The following CSMD1 variants were observed in gnomAD, a reference collection of about 807,000 sequenced individuals.
CSMD1 encodes the protein CUB and sushi domain-containing protein 1.
Under a neutral mutation model 417.5 loss-of-function variants are expected in CSMD1, and 213 were observed. That is an observed-to-expected ratio of 0.51 (90% CI 0.46 to 0.57). CSMD1 has a LOEUF of 0.57. Among genes scored for constraint, CSMD1 ranks in the 20% least tolerant of loss-of-function variants. CSMD1 has a pLI of 0.00. For missense variants in CSMD1, 6,923 were observed against 4,529.7 expected, an observed-to-expected ratio of 1.53 and a Z score of -15.17; for synonymous variants, 2,862 against 1,736.8, an observed-to-expected ratio of 1.65 and a Z score of -16.11.
intron 5 of CSMD1, among the ~76,000 whole-genome samples, chr8:3,987,656 G>T (rs1319411440): frequency 1.3e-5 from 2 of 152,172 alleles, no homozygotes; most frequent in African/African-American, 4.8e-5. Flanking sequence ...TAAAGCAGAA[G>T]AGACAGTTCC....
intron 3 of CSMD1, among the ~76,000 whole-genome samples, chr8:4,068,822 G>C (rs985736848): frequency 1.3e-5 from 2 of 152,174 alleles, no homozygotes; most frequent in Non-Finnish European, 2.9e-5. Flanking sequence ...CATGGTATCA[G>C]TGACATTCAT....
chr8:3,606,691 G>A (rs1018831128), intron 8 of CSMD1, among the ~76,000 whole-genome samples: 1 of 146,616 alleles, frequency 6.8e-6, no homozygotes, highest in Admixed American at 7.0e-5. Flanking sequence ...TTAACTTACT[G>A]TAACAATTTT....
rs11991168 is a variant in CSMD1, at chr8:3,024,606, C to A, written c.7855+4713G>T. Among the ~76,000 whole-genome samples, 1,396 of 152,292 alleles carry A rather than the reference C, an allele frequency of 9.2e-3. 30 individuals carry two copies. Among genetic ancestry groups the A allele is most frequent in the African/African-American group, 0.032 (1,321 of 41,546 alleles). ...ATAGGCATGAGCCACCATGCCTAGC[C>A]TACATTTTAAGTTTTTAAAAATTGT... On this transcript the variant is annotated intron_variant, in intron 51 of 69. Coordinates refer to ENST00000635120, the MANE Select transcript of CSMD1 (RefSeq NM_033225.6).
At chr8:4,272,502 T>C (rs373547254) in intron 3 of CSMD1, among the ~76,000 whole-genome samples, 1 of 152,148 alleles carries the variant, frequency 6.6e-6, no homozygotes, top group Non-Finnish European at 1.5e-5. Context: ...TCACAGTATT[T>C]CAAAAAATAC....
chr8:3,880,193 G>A (rs1009046767), intron 5 of CSMD1, among the ~76,000 whole-genome samples: 4 of 152,124 alleles, frequency 2.6e-5, no homozygotes, highest in African/African-American at 9.7e-5. Context: ...GCCAAGAGGA[G>A]CAGTTAGGGA....
chr8:3,204,230 C>T (rs1336593694), intron 31 of CSMD1, among the ~76,000 whole-genome samples: 3 of 152,092 alleles, frequency 2.0e-5, no homozygotes, highest in Non-Finnish European at 4.4e-5. Context: ...AGTATGACTT[C>T]TTTAGCTGAA....
At chr8:4,661,700 A>C (rs56394209) in intron 1 of CSMD1, among the ~76,000 whole-genome samples, 2,732 of 152,336 alleles carry the variant, frequency 0.018, 47 homozygotes, top group South Asian at 0.063. Context: ...GGAATGTAAA[A>C]AAGTCCCAAA....
intron 5 of CSMD1, among the ~76,000 whole-genome samples, chr8:3,950,141 T>C (rs1372743126): frequency 1.3e-5 from 2 of 152,158 alleles, no homozygotes; most frequent in African/African-American, 4.8e-5. Flanking sequence ...CCTGCATTTA[T>C]ACACCAGCTG....
At chr8:3,792,970 C>T (rs1359691946) in intron 5 of CSMD1, among the ~76,000 whole-genome samples, 7 of 152,128 alleles carry the variant, frequency 4.6e-5, no homozygotes, top group Non-Finnish European at 7.4e-5. Context: ...GAAGGATCAC[C>T]GTCTAGAACC....
Position 3,824,315 on chromosome 8 carries a change from A to G in CSMD1, c.819-70273T>C, listed in dbSNP as rs1202065577. Among the ~76,000 whole-genome samples, 7 of 152,162 alleles carry G rather than the reference A, an allele frequency of 4.6e-5. No individual in the cohort carries two copies. The East Asian group carries it at 1.3e-3, about 29-fold the overall frequency. ...TGTTAACAAACGGGCACAACAGCCT[A>G]GGAATACTGAGAGGTTGCCAGATAC... On this transcript the variant is annotated intron_variant, in intron 5 of 69. Transcript: ENST00000635120.
chr8:4,815,763 A>C (rs1799171966), intron 1 of CSMD1, among the ~76,000 whole-genome samples: 1 of 151,750 alleles, frequency 6.6e-6, no homozygotes, highest in Admixed American at 6.6e-5. Context: ...GAGTTTATAT[A>C]ATAAACACAT....
intron 3 of CSMD1, among the ~76,000 whole-genome samples, chr8:4,217,191 G>A (rs529009063): frequency 1.1e-4 from 16 of 152,284 alleles, no homozygotes; most frequent in East Asian, 7.7e-4. Context: ...TGCTTATCAT[G>A]CAAAGTTATA....
intron 2 of CSMD1, among the ~76,000 whole-genome samples, chr8:4,602,463 T>C (rs903957438): frequency 1.3e-5 from 2 of 152,188 alleles, no homozygotes; most frequent in African/African-American, 4.8e-5. Flanking sequence ...TGAAACCTTA[T>C]TTAATATGGC....
At chr8:4,785,014 C>G (rs1429413163) in intron 1 of CSMD1, among the ~76,000 whole-genome samples, 1 of 152,162 alleles carries the variant, frequency 6.6e-6, no homozygotes, top group African/African-American at 2.4e-5. Flanking sequence ...ATCAGAAATT[C>G]TGAAATCAGT....
Position 3,020,113 on chromosome 8 carries a change from G to C in CSMD1, c.7856-1463C>G, listed in dbSNP as rs558350906. Among the ~76,000 whole-genome samples, 88 of 152,306 alleles carry C rather than the reference G, an allele frequency of 5.8e-4. 1 individual carries two copies. Among genetic ancestry groups the C allele is most frequent in the African/African-American group, 2.0e-3 (84 of 41,580 alleles). Reference sequence around the variant, plus strand: ...CCCAGGGTCTGGTTCTGCCAGACAGGAGCCAGGCAGCACTTGCCAATTTTC... The same window carrying C: ...CCCAGGGTCTGGTTCTGCCAGACAGCAGCCAGGCAGCACTTGCCAATTTTC... On this transcript the variant is annotated intron_variant, in intron 51 of 69. Coordinates refer to ENST00000635120, the MANE Select transcript of CSMD1 (RefSeq NM_033225.6).
rs148872242 is a variant in CSMD1, at chr8:4,079,865, G to T, written c.416-47766C>A. ...AATGGAATGTTTCTAATGACCCTTT[G>T]AATACCATCTTCATAGGCTGGGGCA... On this transcript the variant is annotated intron_variant, in intron 3 of 69. Transcript: ENST00000635120. Among the ~76,000 whole-genome samples the T allele has an allele frequency of 2.8e-4, 43 of 152,220 alleles. No individual in the cohort carries two copies. In the East Asian group the frequency reaches 7.9e-3, roughly 28 times the overall value.
At chr8:3,194,294 C>T (rs894287912) in intron 33 of CSMD1, among the ~76,000 whole-genome samples, 2 of 151,968 alleles carry the variant, frequency 1.3e-5, no homozygotes, top group Non-Finnish European at 2.9e-5. Flanking sequence ...ATTTGCCTGC[C>T]CAGAAATAAC....
intron 3 of CSMD1, among the ~76,000 whole-genome samples, chr8:4,041,206 A>T (rs772210557): frequency 3.2e-4 from 49 of 151,586 alleles, no homozygotes; most frequent in Middle Eastern, 3.4e-3. Context: ...TTTGGTAGAG[A>T]CGGGGTTTCA....
At chr8:3,480,863 G>A (rs565113266) in intron 11 of CSMD1, among the ~76,000 whole-genome samples, 26 of 152,070 alleles carry the variant, frequency 1.7e-4, no homozygotes, top group African/African-American at 6.0e-4. Context: ...TGCAAATTAA[G>A]AGTAGGTGGT....
Sources: gnomAD v4.1 joint callset for allele counts (sites outside exome capture counted in the v4.1 genomes callset) on GRCh38, gnomAD v4.1.1 for gene constraint, MANE v1.5 for transcripts, NCBI Gene and HGNC (gene_info 2026-07-23, HGNC 2026-07-21) for gene names.